Variants in SLC38A1 observed in about 807,000 individuals in gnomAD.
SLC38A1 encodes solute carrier family 38 member 1, also known as sodium-coupled neutral amino acid symporter 1.
A neutral mutation model predicts 60.3 loss-of-function variants in SLC38A1; 18 were observed. That is an observed-to-expected ratio of 0.30 (90% CI 0.21 to 0.44). The LOEUF (loss-of-function observed/expected upper bound fraction) is 0.44. Ranked by LOEUF, SLC38A1 falls within the 20% of genes least tolerant of loss-of-function variation. The pLI, the probability that SLC38A1 is intolerant of heterozygous loss-of-function variation, is 1.00. For synonymous variants in SLC38A1, 196 were observed against 212.1 expected (o/e 0.92, Z 0.66); for missense variants, 448 against 587.2 (o/e 0.76, Z 2.45).
In SLC38A1 at chr12:46,195,771, G is replaced by T. The variant is rs527945098; in HGVS notation, c.1362+1949C>A. ...AACCCACTGAGCCAGGCACGGGAGGGTATTACCTGGTCTGCCAGTTGCTAA... is the reference window on the plus strand; with the variant it reads ...AACCCACTGAGCCAGGCACGGGAGGTTATTACCTGGTCTGCCAGTTGCTAA... On this transcript the variant is annotated intron_variant, in intron 16 of 16. Transcript: ENST00000398637. 5.2e-4 allele frequency: 113 copies of T among 218,044 alleles called. 1 individual carries two copies. Among genetic ancestry groups the T allele is most frequent in the African/African-American group, 2.2e-3 (98 of 44,316 alleles). The allele number at this position is 218,044 out of a possible 1,614,324, so 13.5% of individuals were successfully genotyped here.
At chr12:46,200,699 T>C (rs755396665) in intron 13 of SLC38A1, among the ~76,000 whole-genome samples, 1 of 152,208 alleles carries the variant, frequency 6.6e-6, no homozygotes, top group African/African-American at 2.4e-5. Flanking sequence ...CAGAGTGTCA[T>C]GAGTGTAGCA....
rs199730761 is a variant in SLC38A1, at chr12:46,197,998, C to T, written c.1185G>A (p.Val395=). 118 of 1,613,856 alleles carry T rather than the reference C, an allele frequency of 7.3e-5. 1 individual carries two copies. The highest frequency in any genetic ancestry group is 6.3e-4 in the Admixed American group (38 of 60,000). ...TAACAACCAAGAGTATGCAGGTAAC[C>T]ACGGTATGACGACATAAATTAAACT... The part of the protein sequence containing the change: ...KTKFNLCRHT[V]VTCILLVVIN... Residue 395 remains valine, a synonymous_variant, in exon 15 of 17, where the codon GTG becomes GTA. Coordinates refer to ENST00000398637, the MANE Select transcript of SLC38A1 (RefSeq NM_030674.4).
At chr12:46,211,290 G>C (rs1422548648) in intron 5 of SLC38A1, among the ~76,000 whole-genome samples, 1 of 152,178 alleles carries the variant, frequency 6.6e-6, no homozygotes, top group Non-Finnish European at 1.5e-5. Flanking sequence ...GAATGACTAT[G>C]TGCCCTGTTG....
chr12:46,222,380 T>C (rs1028455721), intron 5 of SLC38A1, among the ~76,000 whole-genome samples: 2 of 152,140 alleles, frequency 1.3e-5, no homozygotes, highest in African/African-American at 4.8e-5. Context: ...CCTCCCCAAA[T>C]ATTCTGGGCA....
At chr12:46,258,124 T>G (rs1318464755) in intron 1 of SLC38A1, among the ~76,000 whole-genome samples, 1 of 152,118 alleles carries the variant, frequency 6.6e-6, no homozygotes, top group Non-Finnish European at 1.5e-5. Flanking sequence ...CGACCAGAGG[T>G]CACTCTCATC....
In SLC38A1 at chr12:46,268,760, C is replaced by T. The variant is rs573574220; in HGVS notation, c.-443G>A. On this transcript the variant is annotated 5_prime_UTR_variant, in exon 1 of 17. Coordinates refer to ENST00000398637, the MANE Select transcript of SLC38A1 (RefSeq NM_030674.4). This position sits in a 1 kb window ranked among gnomAD's most constrained non-coding sequence, Gnocchi z 4.4. Reference sequence around the variant, plus strand: ...CTTCTGGCGGAGTGGCGTGGCCGCCCCAGTCCGCGCTCGCCTGGCTCTCCT... The same window carrying T: ...CTTCTGGCGGAGTGGCGTGGCCGCCTCAGTCCGCGCTCGCCTGGCTCTCCT... 4.3e-4 allele frequency: 137 copies of T among 322,036 alleles called. No homozygotes were observed. Among genetic ancestry groups the T allele is most frequent in the African/African-American group, 2.8e-3 (130 of 46,496 alleles). 19.9% of individuals were successfully genotyped at this position (322,036 alleles called of 1,614,324 possible).
In SLC38A1 at chr12:46,187,996, C is replaced by G. The variant is rs755306614; in HGVS notation, c.*974G>C. The G allele has an allele frequency of 1.3e-5, 2 of 152,074 alleles. No homozygotes were observed. Among genetic ancestry groups the G allele is most frequent in the Non-Finnish European group, 2.9e-5 (2 of 68,008 alleles). The allele number at this position is 152,074 out of a possible 1,614,324, so 9.4% of individuals were successfully genotyped here. A position where few individuals can be genotyped will look rare whatever the true frequency, so the allele number is the denominator to read the frequency against. ...AGTTAGGTACACATGATTCTCTGTG[C>G]AACTAGCTGGTGGACATGAATAAAA... On this transcript the variant is annotated 3_prime_UTR_variant, in exon 17 of 17. Coordinates refer to ENST00000398637, the MANE Select transcript of SLC38A1 (RefSeq NM_030674.4).
intron 5 of SLC38A1, among the ~76,000 whole-genome samples, chr12:46,210,751 G>A (rs1420256014): frequency 1.3e-5 from 2 of 152,150 alleles, no homozygotes; most frequent in Non-Finnish European, 1.5e-5. Context: ...TCTCTTGTCT[G>A]CGGGCAAGTA....
intron 3 of SLC38A1, among the ~76,000 whole-genome samples, chr12:46,235,834 T>A (rs1941240479): frequency 6.6e-6 from 1 of 152,178 alleles, no homozygotes; most frequent in South Asian, 2.1e-4. Flanking sequence ...AGTTCCTGGG[T>A]CATAATAGCA....
At chr12:46,226,617 CTTTTTTT>C (rs199599486) in intron 5 of SLC38A1, among the ~76,000 whole-genome samples, 1 of 123,008 alleles carries the variant, frequency 8.1e-6, no homozygotes, top group Non-Finnish European at 1.8e-5. Flanking sequence ...CATGGATTTC[CTTTTTTT>C]TTTTTTTTTT....
intron 1 of SLC38A1, among the ~76,000 whole-genome samples, chr12:46,259,598 T>C (rs1351197580): frequency 6.6e-6 from 1 of 152,226 alleles, no homozygotes; most frequent in Non-Finnish European, 1.5e-5. Context: ...ATCAAAATCT[T>C]TGAAAATCTG....
At chr12:46,220,207 T>C (rs536134061) in intron 5 of SLC38A1, among the ~76,000 whole-genome samples, 7 of 152,366 alleles carry the variant, frequency 4.6e-5, no homozygotes, top group Non-Finnish European at 7.3e-5. Context: ...TGGATTTCAA[T>C]AGAGTTCAAT....
In SLC38A1 at chr12:46,186,274, A is replaced by G. The variant is rs1938933984; in HGVS notation, c.*2696T>C. ...GTAACATTAAGTAAATTAGGGATTG[A>G]CAGTATTCTGTGTTACAATAACTAG... On this transcript the variant is annotated 3_prime_UTR_variant, in exon 17 of 17. Coordinates refer to ENST00000398637, the MANE Select transcript of SLC38A1 (RefSeq NM_030674.4). The G allele has an allele frequency of 6.6e-6, 1 of 152,190 alleles. No individual in the cohort carries two copies. The highest frequency in any genetic ancestry group is 1.5e-5 in the Non-Finnish European group (1 of 68,028). 9.4% of individuals were successfully genotyped at this position (152,190 alleles called of 1,614,324 possible). A position where few individuals can be genotyped will look rare whatever the true frequency, so the allele number is the denominator to read the frequency against.
In SLC38A1 at chr12:46,186,998, T is replaced by C. The variant is rs1943865163; in HGVS notation, c.*1972A>G. On this transcript the variant is annotated 3_prime_UTR_variant, in exon 17 of 17. Transcript: ENST00000398637. ...TCTGTTTCTGTCATTGCTAATATAATATGGAAAACATTGCTGAAAAGAACA... is the reference window on the plus strand; with the variant it reads ...TCTGTTTCTGTCATTGCTAATATAACATGGAAAACATTGCTGAAAAGAACA... 2 of 152,190 alleles carry C rather than the reference T, an allele frequency of 1.3e-5. No homozygotes were observed. The highest frequency in any genetic ancestry group is 1.3e-4 in the Admixed American group (2 of 15,272). The allele number at this position is 152,190 out of a possible 1,614,324, so 9.4% of individuals were successfully genotyped here. A position where few individuals can be genotyped will look rare whatever the true frequency, so the allele number is the denominator to read the frequency against.
In SLC38A1 at chr12:46,229,308, C is replaced by T. The variant is rs1473043463; in HGVS notation, c.199-40G>A. 6.5e-6 allele frequency: 9 copies of T among 1,395,310 alleles called. No individual in the cohort carries two copies. The East Asian group carries it at 1.6e-4, about 25-fold the overall frequency. The allele number at this position is 1,395,310 out of a possible 1,614,324, so 86.4% of individuals were successfully genotyped here. ...AAACATTGACACTAAGCAAAATAAT[C>T]CCCAAGAAAGTTCATCAAGCCAAAG... is the stretch of plus-strand genomic sequence containing the variant. On this transcript the variant is annotated intron_variant, in intron 4 of 16. Coordinates refer to ENST00000398637, the MANE Select transcript of SLC38A1 (RefSeq NM_030674.4).
chr12:46,207,341 CA>C, intron 7 of SLC38A1, 105 bp from the exon 8 acceptor site: 1 of 1,110,592 alleles, frequency 9.0e-7, no homozygotes, highest in Non-Finnish European at 1.3e-6. Context: ...CAGTAAGACA[CA>C]AAGGCAACTT....
At chr12:46,207,818 A>C (rs940936159) in intron 6 of SLC38A1, among the ~76,000 whole-genome samples, 197 bp from the exon 7 acceptor site, 1 of 152,216 alleles carries the variant, frequency 6.6e-6, no homozygotes, top group Non-Finnish European at 1.5e-5. Context: ...AAAATGTGAG[A>C]TGCAACCATC....
At chr12:46,197,676 GGAAAACTAATCA>G (rs761395353) in intron 16 of SLC38A1, 32 bp downstream of exon 16, 1 of 1,264,408 alleles carries the variant, frequency 7.9e-7, no homozygotes, top group Non-Finnish European at 1.1e-6. Context: ...AAATTTAAAT[GGAAAACTAATCA>G]GAAAAGTTAG....
At chr12:46,207,111 A>T (rs911956301) in intron 8 of SLC38A1, 44 bp downstream of exon 8, 5 of 1,333,630 alleles carry the variant, frequency 3.7e-6, no homozygotes, top group African/African-American at 1.5e-5. Context: ...TATTTAAATT[A>T]AAAACATTTT....
Sources: allele counts gnomAD v4.1 joint callset (sites outside exome capture counted in the v4.1 genomes callset), GRCh38; gene constraint gnomAD v4.1.1; non-coding constraint Gnocchi (gnomAD v3.1); transcripts MANE v1.5; gene names NCBI Gene and HGNC (gene_info 2026-07-23, HGNC 2026-07-21).